ADGRL3: variants seen among roughly 807,000 people sequenced by gnomAD.
ADGRL3 encodes calcium-independent alpha-latrotoxin receptor 3.
ADGRL3 carries 62 observed loss-of-function variants against 153.5 expected under a neutral mutation model. The ratio of observed to expected loss-of-function variants is 0.40; its 90% CI spans 0.33 to 0.50. The LOEUF (loss-of-function observed/expected upper bound fraction) is 0.50. Ranked by LOEUF, ADGRL3 falls within the 20% of genes least tolerant of loss-of-function variation. The pLI is 0.47. For synonymous variants in ADGRL3, 710 were observed against 672.5 expected, an observed-to-expected ratio of 1.06 and a Z score of -0.86; for missense variants, 1,641 against 1,859.4, an observed-to-expected ratio of 0.88 and a Z score of 2.16.
chr4:61,422,821 T>C (rs2097222323), intron 2 of ADGRL3, among the ~76,000 whole-genome samples: 1 of 151,342 alleles, frequency 6.6e-6, no homozygotes, highest in Admixed American at 6.6e-5. Context: ...AAAATATAAA[T>C]AATATATATT....
chr4:61,392,033 T>A (rs2152021163), intron 2 of ADGRL3, among the ~76,000 whole-genome samples: 2 of 150,670 alleles, frequency 1.3e-5, no homozygotes, highest in East Asian at 2.0e-4. Flanking sequence ...CTAATTTTTT[T>A]TTTTTTTTTG....
chr4:61,349,505 G>A (rs974587663), intron 1 of ADGRL3, among the ~76,000 whole-genome samples: 1 of 151,986 alleles, frequency 6.6e-6, no homozygotes, highest in Non-Finnish European at 1.5e-5. Context: ...GCTGCACCAC[G>A]ATTACCTGTA....
chr4:61,881,944 G>A (rs2098511130), intron 9 of ADGRL3, among the ~76,000 whole-genome samples: 1 of 152,052 alleles, frequency 6.6e-6, no homozygotes, highest in South Asian at 2.1e-4. Context: ...TAACGCCCTT[G>A]GTATGTTTTG....
chr4:61,737,067 T>C (rs1189067702), intron 8 of ADGRL3, among the ~76,000 whole-genome samples: 1 of 151,492 alleles, frequency 6.6e-6, no homozygotes, highest in Non-Finnish European at 1.5e-5. Context: ...GTAAATTACA[T>C]TGACTTTTTT....
intron 1 of ADGRL3, among the ~76,000 whole-genome samples, chr4:61,274,239 A>C (rs569707112): frequency 6.6e-6 from 1 of 152,234 alleles, no homozygotes; most frequent in Non-Finnish European, 1.5e-5. Context: ...GTCATGAAGA[A>C]TCTCTAACAG....
At chr4:62,040,021 A>G (rs1424771329) in intron 24 of ADGRL3, among the ~76,000 whole-genome samples, 1 of 152,142 alleles carries the variant, frequency 6.6e-6, no homozygotes, top group East Asian at 1.9e-4. Flanking sequence ...GAATAATAAT[A>G]AACTCTGTGG....
intron 18 of ADGRL3, among the ~76,000 whole-genome samples, chr4:61,982,706 C>A (rs2099072669): frequency 6.6e-6 from 1 of 152,042 alleles, no homozygotes. Flanking sequence ...CTTGTCTAAA[C>A]CAATATTTAG....
intron 25 of ADGRL3, among the ~76,000 whole-genome samples, chr4:62,045,279 A>T (rs1730530503): frequency 6.6e-6 from 1 of 150,420 alleles, no homozygotes; most frequent in African/African-American, 2.4e-5. Context: ...ATGTGTGGGG[A>T]TATGATTAGA....
intron 5 of ADGRL3, among the ~76,000 whole-genome samples, chr4:61,602,498 C>T (rs751869837): frequency 3.3e-5 from 5 of 152,100 alleles, no homozygotes; most frequent in South Asian, 4.1e-4. Flanking sequence ...TATCCTGTAA[C>T]GTACAGAAAG....
intron 8 of ADGRL3, among the ~76,000 whole-genome samples, chr4:61,755,470 G>GT (rs1020072419): frequency 6.6e-5 from 10 of 151,938 alleles, no homozygotes; most frequent in Non-Finnish European, 1.5e-4. Flanking sequence ...GGGGTTGTTT[G>GT]TTTTTTTCTT....
chr4:61,287,750 T>C (rs1052072584), intron 1 of ADGRL3, among the ~76,000 whole-genome samples: 1 of 151,918 alleles, frequency 6.6e-6, no homozygotes, highest in Admixed American at 6.6e-5. Context: ...TGGAGTGCCA[T>C]GAAGATGACA....
At chr4:61,397,759 CAAAGGGTATGTTG>C (rs1228132449) in intron 2 of ADGRL3, among the ~76,000 whole-genome samples, 1 of 151,846 alleles carries the variant, frequency 6.6e-6, no homozygotes, top group Non-Finnish European at 1.5e-5. Flanking sequence ...TTTCAGGCTG[CAAAGGGTATGTTG>C]AACCTCTTAT....
chr4:61,978,765 T>G (rs2099056969), intron 17 of ADGRL3, among the ~76,000 whole-genome samples: 2 of 152,190 alleles, frequency 1.3e-5, no homozygotes, highest in South Asian at 4.1e-4. Flanking sequence ...GATGTTTCAG[T>G]ACAGTTCGTG....
At position 61,483,889 on chromosome 4, in the gene ADGRL3, G is replaced by C. The variant is rs547140081; in HGVS notation, c.-173-13232G>C. 4.6e-4 allele frequency among the ~76,000 whole-genome samples: 70 copies of C among 150,548 alleles called. 1 individual carries two copies. The East Asian group carries it at 0.013, about 27-fold the overall frequency. On this transcript the variant is annotated intron_variant, in intron 2 of 26. Transcript: ENST00000683033. ...AATATATATGAATTAATAAGATTAC[G>C]TTAATAACTAAGTATAGTGTGTTCT...
At chr4:61,751,707 G>A (rs2096759336) in intron 8 of ADGRL3, among the ~76,000 whole-genome samples, 1 of 152,122 alleles carries the variant, frequency 6.6e-6, no homozygotes, top group South Asian at 2.1e-4. Context: ...GAGATTTGGA[G>A]ACTGAATATG....
chr4:61,865,294 T>G (rs1439856032), intron 9 of ADGRL3, among the ~76,000 whole-genome samples: 1 of 152,216 alleles, frequency 6.6e-6, no homozygotes, highest in Non-Finnish European at 1.5e-5. Context: ...CTAAGTAGTT[T>G]TGAAAGAAAT....
intron 11 of ADGRL3, among the ~76,000 whole-genome samples, chr4:61,900,874 C>G (rs1396356617): frequency 1.3e-5 from 2 of 152,170 alleles, no homozygotes; most frequent in African/African-American, 2.4e-5. Flanking sequence ...CAAGTTGACT[C>G]AGAGCCATGC....
At chr4:61,477,711 T>A (rs2098082612) in intron 2 of ADGRL3, among the ~76,000 whole-genome samples, 1 of 152,160 alleles carries the variant, frequency 6.6e-6, no homozygotes, top group Non-Finnish European at 1.5e-5. Context: ...TGAAAATTTA[T>A]CTTACTGTGG....
At chr4:61,316,722 G>T (rs1054969257) in intron 1 of ADGRL3, among the ~76,000 whole-genome samples, 9 of 152,156 alleles carry the variant, frequency 5.9e-5, no homozygotes, top group Non-Finnish European at 1.0e-4. Context: ...ACTGTAAAAA[G>T]AACTGGCTAT....
Sources: gnomAD v4.1 joint callset for allele counts (sites outside exome capture counted in the v4.1 genomes callset) on GRCh38, gnomAD v4.1.1 for gene constraint, MANE v1.5 for transcripts, NCBI Gene and HGNC (gene_info 2026-07-23, HGNC 2026-07-21) for gene names.